TTL: variants seen among roughly 807,000 people sequenced by gnomAD.
The protein encoded by TTL is tubulin--tyrosine ligase.
Under a neutral mutation model 41.1 loss-of-function variants are expected in TTL, and 10 were observed. The ratio of observed to expected loss-of-function variants is 0.24; its 90% confidence interval spans 0.15 to 0.41. The LOEUF (loss-of-function observed/expected upper bound fraction) is 0.41. Among genes scored for constraint, TTL ranks in the 10% least tolerant of loss-of-function variants. The pLI is 1.00. For synonymous variants in TTL, 175 were observed against 175.5 expected, an observed-to-expected ratio of 1.00 and a Z score of 0.02; for missense variants, 367 against 460.4, an observed-to-expected ratio of 0.80 and a Z score of 1.86.
At chr2:112,483,584 A>G (rs1681154619) in intron 1 of TTL, 2 of 152,226 alleles carry the variant, frequency 1.3e-5, no homozygotes, top group Admixed American at 1.3e-4. Context: ...CAGTTTTTAG[A>G]AATAGGTGTG....
At chr2:112,484,008 A>G (rs1003227158) in intron 1 of TTL, 1 of 152,138 alleles carries the variant, frequency 6.6e-6, no homozygotes, top group African/African-American at 2.4e-5. Context: ...AGACTTCCTG[A>G]CTTCCCTCTA....
chr2:112,498,041 T>G (rs558372397), intron 3 of TTL, among the ~76,000 whole-genome samples: 1 of 152,238 alleles, frequency 6.6e-6, no homozygotes, highest in South Asian at 2.1e-4. Flanking sequence ...CAAAACTACT[T>G]AGCTGGGCGC....
In TTL at chr2:112,513,634, T is replaced by TAAATATTTATACAA. The variant is rs1165655184; in HGVS notation, c.876-6648_876-6647insAAATATTTATACAA. On this transcript the variant is annotated intron_variant, in intron 5 of 6. Coordinates refer to ENST00000233336, the MANE Select transcript of TTL (RefSeq NM_153712.5). The stretch of plus-strand genomic sequence containing the variant: ...ATAAGTATAAATATTTATACAAGTA[T>TAAATATTTATACAA]GAATATTTATACAAGTATAAATATA... 2.8e-3 allele frequency among the ~76,000 whole-genome samples: 416 copies of TAAATATTTATACAA among 148,512 alleles called. 3 individuals are homozygous for TAAATATTTATACAA. The highest frequency in any genetic ancestry group is 4.8e-3 in the South Asian group (23 of 4,760).
Position 112,539,601 on chromosome 2 carries a change from T to G in TTL, c.*10806T>G, listed in dbSNP as rs1174690289. ...ATGTGAAAGCTCCAGTTGGGAGCTT[T>G]CTTCCCAATATCAGGCACAAAACAA... On this transcript the variant is annotated 3_prime_UTR_variant, in exon 7 of 7. Transcript: ENST00000233336. 2.0e-5 allele frequency: 3 copies of G among 152,224 alleles called. No individual in the cohort carries two copies. Among genetic ancestry groups the G allele is most frequent in the African/African-American group, 7.2e-5 (3 of 41,458 alleles). 9.4% of individuals were successfully genotyped at this position (152,224 alleles called of 1,614,324 possible).
At chr2:112,486,481 G>A (rs1415802445) in intron 2 of TTL, among the ~76,000 whole-genome samples, 2 of 152,232 alleles carry the variant, frequency 1.3e-5, no homozygotes, top group African/African-American at 2.4e-5. Context: ...TTTCTGGGCA[G>A]GGGCTGGTCC....
intron 3 of TTL, among the ~76,000 whole-genome samples, chr2:112,497,469 A>C (rs994741094): frequency 1.3e-5 from 2 of 152,256 alleles, no homozygotes; most frequent in African/African-American, 4.8e-5. Context: ...GTTCATGACG[A>C]ACTTTTACTA....
intron 4 of TTL, among the ~76,000 whole-genome samples, chr2:112,502,554 T>C (rs1275076082): frequency 1.3e-5 from 2 of 151,884 alleles, no homozygotes; most frequent in African/African-American, 4.8e-5. Context: ...GGAGAATTGC[T>C]TGAACCCGGA....
At chr2:112,485,367 C>G (rs532008106) in intron 1 of TTL, among the ~76,000 whole-genome samples, 1 of 152,210 alleles carries the variant, frequency 6.6e-6, no homozygotes, top group African/African-American at 2.4e-5. Flanking sequence ...CCATGGAATG[C>G]GGCACAGAAG....
In TTL at chr2:112,489,127, T is replaced by C. The variant is rs960228592; in HGVS notation, c.236+3132T>C. 5.3e-5 allele frequency among the ~76,000 whole-genome samples: 8 copies of C among 152,196 alleles called. No individual in the cohort carries two copies. The East Asian group carries it at 1.5e-3, about 29-fold the overall frequency. On this transcript the variant is annotated intron_variant, in intron 2 of 6. Coordinates refer to ENST00000233336, the MANE Select transcript of TTL (RefSeq NM_153712.5). Reference sequence around the variant, plus strand: ...TAATTTAAAAAACCCAAATAATTTATTATATTTAACTAAATAAATCCAAAA... The same window carrying C: ...TAATTTAAAAAACCCAAATAATTTACTATATTTAACTAAATAAATCCAAAA...
At chr2:112,499,610 TAA>T (rs1681637355) in intron 3 of TTL, among the ~76,000 whole-genome samples, 1 of 152,184 alleles carries the variant, frequency 6.6e-6, no homozygotes, top group Admixed American at 6.5e-5. Flanking sequence ...TCCATAAAAG[TAA>T]AAATTGATAA....
At position 112,529,033 on chromosome 2, in the gene TTL, C is replaced by T; in HGVS notation, c.*238C>T. Reference sequence around the variant, plus strand: ...GAGACTTTTGAAAACAACTTTGGTACACAAAGGCAGCTTTGTGAGCAGAGC... The same window carrying T: ...GAGACTTTTGAAAACAACTTTGGTATACAAAGGCAGCTTTGTGAGCAGAGC... On this transcript the variant is annotated 3_prime_UTR_variant, in exon 7 of 7. Coordinates refer to ENST00000233336, the MANE Select transcript of TTL (RefSeq NM_153712.5). 1.8e-6 allele frequency: 1 copy of T among 553,786 alleles called. No homozygotes were observed. Among genetic ancestry groups the T allele is most frequent in the Non-Finnish European group, 3.2e-6 (1 of 308,340 alleles). The allele number at this position is 553,786 out of a possible 1,614,324, so 34.3% of individuals were successfully genotyped here. A position where few individuals can be genotyped will look rare whatever the true frequency, so the allele number is the denominator to read the frequency against.
chr2:112,533,134 T>G lies in TTL; in HGVS notation c.*4339T>G, dbSNP rs1682543154. 1 of 152,262 alleles carries G rather than the reference T, an allele frequency of 6.6e-6. No homozygotes were observed. The highest frequency in any genetic ancestry group is 2.4e-5 in the African/African-American group (1 of 41,468). The allele number at this position is 152,262 out of a possible 1,614,324, so 9.4% of individuals were successfully genotyped here. The stretch of plus-strand genomic sequence containing the variant: ...CTTTGTATGGCTGGCCTGCCTTCTG[T>G]GGCTGCTTCCACTTCATAAATATAC... On this transcript the variant is annotated 3_prime_UTR_variant, in exon 7 of 7. Transcript: ENST00000233336.
intron 5 of TTL, among the ~76,000 whole-genome samples, chr2:112,518,085 T>G (rs993948528): frequency 2.0e-5 from 3 of 151,642 alleles, no homozygotes; most frequent in Non-Finnish European, 2.9e-5. Flanking sequence ...CTCAGCCTCC[T>G]GAGTTGCTGG....
chr2:112,524,948 G>T (rs185118582), intron 6 of TTL, among the ~76,000 whole-genome samples: 1 of 152,048 alleles, frequency 6.6e-6, no homozygotes, highest in East Asian at 1.9e-4. Flanking sequence ...TCATTAATGC[G>T]TCCTGAATTA....
At chr2:112,514,719 T>C (rs1227875028) in intron 5 of TTL, among the ~76,000 whole-genome samples, 1 of 152,242 alleles carries the variant, frequency 6.6e-6, no homozygotes, top group Non-Finnish European at 1.5e-5. Flanking sequence ...TTTGGGTTCA[T>C]AGTGCTTCTT....
chr2:112,510,671 A>T (rs1428560623), intron 5 of TTL, among the ~76,000 whole-genome samples: 1 of 152,116 alleles, frequency 6.6e-6, no homozygotes, highest in Non-Finnish European at 1.5e-5. Context: ...GGGTTTCTCC[A>T]TGTTGGTCAG....
chr2:112,521,109 C>T, intron 6 of TTL: 1 of 918,886 alleles, frequency 1.1e-6, no homozygotes, highest in South Asian at 5.0e-5. Flanking sequence ...CATGGGGGGT[C>T]TGGAGCTGGG....
intron 5 of TTL, among the ~76,000 whole-genome samples, chr2:112,509,660 G>A (rs1332319657): frequency 3.3e-5 from 5 of 152,244 alleles, no homozygotes; most frequent in Admixed American, 1.3e-4. Context: ...GCAATGCCTC[G>A]CCCTGCTTCG....
intron 2 of TTL, among the ~76,000 whole-genome samples, chr2:112,486,222 T>A (rs6707618): frequency 0.11 from 17,124 of 152,208 alleles, 1,181 homozygotes; most frequent in Non-Finnish European, 0.16. Flanking sequence ...CAGGGTCTCC[T>A]GTGTAAGTGA....
Sources: gnomAD v4.1 joint callset for allele counts (sites outside exome capture counted in the v4.1 genomes callset) on GRCh38, gnomAD v4.1.1 for gene constraint, MANE v1.5 for transcripts, NCBI Gene and HGNC (gene_info 2026-07-23, HGNC 2026-07-21) for gene names.